Variants in PDE4B observed in about 807,000 individuals in gnomAD.
PDE4B encodes the protein 3',5'-cyclic-AMP phosphodiesterase 4B.
In PDE4B, 20 loss-of-function variants were observed where a neutral mutation model predicts 82.2. The ratio of observed to expected loss-of-function variants is 0.24; its 90% CI spans 0.17 to 0.35. The LOEUF (loss-of-function observed/expected upper bound fraction) is 0.35, where lower values mean the gene tolerates loss of function less well. Among genes scored for constraint, PDE4B ranks in the 10% least tolerant of loss-of-function variants. The probability of loss-of-function intolerance (pLI) is 1.00; values close to 1 mark genes in which losing one functional copy is unlikely to be tolerated. For missense variants in PDE4B, 655 were observed against 907.2 expected, an observed-to-expected ratio of 0.72 and a Z score of 3.57; for synonymous variants, 320 against 318.9, an observed-to-expected ratio of 1.00 and a Z score of -0.04.
rs563001478 is a variant in PDE4B at position 66,044,738 on chromosome 1, A to G, written c.281+125903A>G. On this transcript the variant is annotated intron_variant, in intron 3 of 16. Coordinates refer to ENST00000341517, the MANE Select transcript of PDE4B (RefSeq NM_002600.4). ...AGACTGAATGTTAACTCTGTGAGAAAAAGAATTTATTTTTAGAAATTTGAA... is the reference window on the plus strand; with the variant it reads ...AGACTGAATGTTAACTCTGTGAGAAGAAGAATTTATTTTTAGAAATTTGAA... 4.6e-5 allele frequency among the ~76,000 whole-genome samples: 7 copies of G among 151,904 alleles called. No homozygotes were observed. The South Asian group carries it at 1.5e-3, about 32-fold the overall frequency.
chr1:65,974,606 T>C (rs903417617), intron 3 of PDE4B, among the ~76,000 whole-genome samples: 1 of 152,168 alleles, frequency 6.6e-6, no homozygotes, highest in Non-Finnish European at 1.5e-5. Context: ...CCAAATCTCA[T>C]ATTGAATTGG....
chr1:66,054,448 C>T (rs1248379185), intron 3 of PDE4B, among the ~76,000 whole-genome samples: 3 of 152,116 alleles, frequency 2.0e-5, no homozygotes, highest in African/African-American at 7.2e-5. Context: ...TTTCTCATGC[C>T]CCCACCTTTT....
At position 66,373,217 on chromosome 1, in the gene PDE4B, C is replaced by T. The variant is rs2050846572; in HGVS notation, c.*539C>T. The T allele has an allele frequency of 1.9e-5, 3 of 154,278 alleles. No individual in the cohort carries two copies. Among genetic ancestry groups the T allele is most frequent in the Admixed American group, 1.9e-4 (3 of 15,618 alleles). 9.6% of individuals were successfully genotyped at this position (154,278 alleles called of 1,614,324 possible). ...TGGAAAAGGGAAAGAAAATAGTCTT[C>T]CTTCTTTCTTGGGCAATATCCTTCA... is the stretch of plus-strand genomic sequence containing the variant. On this transcript the variant is annotated 3_prime_UTR_variant, in exon 17 of 17. Transcript: ENST00000341517.
chr1:65,935,773 C>T (rs556540931), intron 3 of PDE4B, among the ~76,000 whole-genome samples: 1 of 152,188 alleles, frequency 6.6e-6, no homozygotes, highest in Admixed American at 6.5e-5. Flanking sequence ...GAAACCCCAT[C>T]TCTAATAAAA....
chr1:66,236,941 A>G (rs1351611997), intron 3 of PDE4B, among the ~76,000 whole-genome samples: 1 of 152,226 alleles, frequency 6.6e-6, no homozygotes, highest in African/African-American at 2.4e-5. Flanking sequence ...TTTCACGTCT[A>G]TAAAAACAAG....
At chr1:66,154,120 A>G (rs1646455931) in intron 3 of PDE4B, among the ~76,000 whole-genome samples, 1 of 152,090 alleles carries the variant, frequency 6.6e-6, no homozygotes, top group Non-Finnish European at 1.5e-5. Context: ...CACCACACAA[A>G]GGAGTTAAGA....
At chr1:66,073,916 T>G (rs916069447) in intron 3 of PDE4B, among the ~76,000 whole-genome samples, 12 of 152,052 alleles carry the variant, frequency 7.9e-5, no homozygotes, top group African/African-American at 2.7e-4. Flanking sequence ...GAGATAATAG[T>G]GTGGAAAGGA....
intron 3 of PDE4B, among the ~76,000 whole-genome samples, chr1:66,129,451 A>T (rs535559336): frequency 1.4e-4 from 21 of 151,768 alleles, no homozygotes; most frequent in Non-Finnish European, 2.8e-4. Context: ...AGGTCAGGAG[A>T]TCGAGACCAT....
intron 3 of PDE4B, among the ~76,000 whole-genome samples, chr1:66,235,035 T>C (rs1652296591): frequency 6.6e-6 from 1 of 152,204 alleles, no homozygotes; most frequent in Non-Finnish European, 1.5e-5. Context: ...AGACTGTATT[T>C]AGTTTACAAA....
chr1:66,102,873 A>C (rs1645254722), intron 3 of PDE4B, among the ~76,000 whole-genome samples: 2 of 152,098 alleles, frequency 1.3e-5, no homozygotes, highest in African/African-American at 4.8e-5. Context: ...CAAATAGTTT[A>C]GTTATTGTGC....
chr1:66,314,489 T>C (rs926635185), intron 7 of PDE4B, among the ~76,000 whole-genome samples: 3 of 152,210 alleles, frequency 2.0e-5, no homozygotes, highest in African/African-American at 7.2e-5. Flanking sequence ...CTCGGCTCAC[T>C]GCAACCTCTG....
intron 3 of PDE4B, among the ~76,000 whole-genome samples, chr1:66,217,391 G>A (rs2101593947): frequency 6.6e-6 from 1 of 152,236 alleles, no homozygotes; most frequent in South Asian, 2.1e-4. Context: ...GCAGGAGGAA[G>A]AAATGATTAA....
chr1:65,839,121 T>G, intron 1 of PDE4B, among the ~76,000 whole-genome samples: 1 of 120,330 alleles, frequency 8.3e-6, no homozygotes. Context: ...AGCTATAAAC[T>G]TAAGTTATGA....
At chr1:66,240,793 A>G (rs1007281792) in intron 3 of PDE4B, among the ~76,000 whole-genome samples, 3 of 150,826 alleles carry the variant, frequency 2.0e-5, no homozygotes, top group African/African-American at 2.5e-5. Context: ...CATTTTTTCT[A>G]TCTCCAAAAT....
At chr1:66,250,373 C>G (rs1051097123) in intron 4 of PDE4B, among the ~76,000 whole-genome samples, 1 of 152,142 alleles carries the variant, frequency 6.6e-6, no homozygotes, top group Non-Finnish European at 1.5e-5. Flanking sequence ...TTGCATAATT[C>G]TACTGCATTA....
chr1:66,291,086 C>T (rs1478884608), intron 7 of PDE4B, among the ~76,000 whole-genome samples: 1 of 152,130 alleles, frequency 6.6e-6, no homozygotes, highest in African/African-American at 2.4e-5. Context: ...CTTTACTTGA[C>T]ACAGAAAGCT....
chr1:66,343,214 A>T (rs1661146630), intron 8 of PDE4B, among the ~76,000 whole-genome samples: 1 of 152,236 alleles, frequency 6.6e-6, no homozygotes, highest in Admixed American at 6.5e-5. Flanking sequence ...GCTCCTCTTG[A>T]TTAAAACAGT....
intron 7 of PDE4B, chr1:66,330,681 G>C: frequency 1.5e-6 from 1 of 664,538 alleles, no homozygotes; most frequent in South Asian, 6.8e-5. Flanking sequence ...ATGAGAATGG[G>C]AGGGTTCTGT....
intron 3 of PDE4B, among the ~76,000 whole-genome samples, chr1:66,232,522 T>A (rs1276356568): frequency 1.3e-5 from 2 of 152,142 alleles, no homozygotes; most frequent in Non-Finnish European, 2.9e-5. Flanking sequence ...GATAAAAGCT[T>A]GATAAAATCA....
Sources: gnomAD v4.1 joint callset for allele counts (sites outside exome capture counted in the v4.1 genomes callset) on GRCh38, gnomAD v4.1.1 for gene constraint, MANE v1.5 for transcripts, NCBI Gene and HGNC (gene_info 2026-07-23, HGNC 2026-07-21) for gene names.